Variants in SGSM1 observed in about 807,000 individuals in gnomAD.
SGSM1 encodes the protein RUN and TBC1 domain containing 2.
Under a neutral mutation model 133.8 loss-of-function variants are expected in SGSM1, and 73 were observed. The observed-to-expected ratio is 0.55, with a 90% CI of 0.45 to 0.66. The LOEUF is 0.66. SGSM1 is among the 30% of genes least tolerant of loss of function. The probability of loss-of-function intolerance (pLI) is 0.00; values close to 1 mark genes in which losing one functional copy is unlikely to be tolerated. For missense variants in SGSM1, 1,213 were observed against 1,448.1 expected, an observed-to-expected ratio of 0.84 and a Z score of 2.64; for synonymous variants, 563 against 573.0, an observed-to-expected ratio of 0.98 and a Z score of 0.25.
chr22:24,896,859 C>A (rs1313391510), intron 18 of SGSM1, among the ~76,000 whole-genome samples: 1 of 151,824 alleles, frequency 6.6e-6, no homozygotes, highest in African/African-American at 2.4e-5. Context: ...TGCCTGTAAT[C>A]CAAGCTACTT....
intron 24 of SGSM1, among the ~76,000 whole-genome samples, chr22:24,922,182 T>C (rs1934034395): frequency 7.1e-6 from 1 of 141,250 alleles, no homozygotes; most frequent in Non-Finnish European, 1.5e-5. Flanking sequence ...TTACTTTCTT[T>C]TTTTTTTTTT....
chr22:24,811,497 TC>T (rs1927740768), intron 2 of SGSM1, among the ~76,000 whole-genome samples: 2 of 152,036 alleles, frequency 1.3e-5, no homozygotes, highest in Non-Finnish European at 2.9e-5. Flanking sequence ...AGGGGAAACT[TC>T]CCCAGAATGC....
chr22:24,882,158 C>T (rs1337059134), intron 14 of SGSM1, among the ~76,000 whole-genome samples: 1 of 152,174 alleles, frequency 6.6e-6, no homozygotes, highest in Non-Finnish European at 1.5e-5. Flanking sequence ...CCTCTACCTC[C>T]CTGGCTGAAG....
intron 2 of SGSM1, among the ~76,000 whole-genome samples, chr22:24,836,260 G>A (rs529186307): frequency 1.9e-4 from 29 of 152,264 alleles, no homozygotes; most frequent in Admixed American, 1.8e-3. Flanking sequence ...AGGTTCATTC[G>A]TATTTTGGCA....
chr22:24,834,709 T>G (rs576197171), intron 2 of SGSM1, among the ~76,000 whole-genome samples: 1 of 152,014 alleles, frequency 6.6e-6, no homozygotes, highest in Non-Finnish European at 1.5e-5. Flanking sequence ...GTGGCCATCT[T>G]CTCCCTGATC....
chr22:24,834,028 A>C (rs2330931), intron 2 of SGSM1, among the ~76,000 whole-genome samples: 28,838 of 149,128 alleles, frequency 0.19, 2,908 homozygotes, highest in Non-Finnish European at 0.24. Context: ...GAGAGAACAG[A>C]TGGGGCCCAG....
intron 18 of SGSM1, among the ~76,000 whole-genome samples, chr22:24,897,655 G>A (rs537345889): frequency 6.6e-6 from 1 of 152,074 alleles, no homozygotes; most frequent in Admixed American, 6.5e-5. Flanking sequence ...TTTTTGCAGA[G>A]ACCAGGTTTC....
rs75544378 is a variant in SGSM1, at chr22:24,850,741, A to G, written c.455+309A>G. 3.6e-3 allele frequency among the ~76,000 whole-genome samples: 545 copies of G among 152,278 alleles called. 4 individuals carry two copies. Among genetic ancestry groups the G allele is most frequent in the African/African-American group, 0.013 (533 of 41,556 alleles). ...CCCGTTATCTCTTTTGGTAAATGGCATGGGGATTCCCGATACTCCAGAGAA... is the reference window on the plus strand; with the variant it reads ...CCCGTTATCTCTTTTGGTAAATGGCGTGGGGATTCCCGATACTCCAGAGAA... On this transcript the variant is annotated intron_variant, in intron 5 of 24. Coordinates refer to ENST00000400358, the MANE Select transcript of SGSM1 (RefSeq NM_001098497.3).
At chr22:24,823,227 T>C (rs1427347386) in intron 2 of SGSM1, among the ~76,000 whole-genome samples, 1 of 152,228 alleles carries the variant, frequency 6.6e-6, no homozygotes, top group African/African-American at 2.4e-5. Flanking sequence ...AGGCACTCAG[T>C]AAACAACATT....
Position 24,898,233 on chromosome 22 carries a change from A to G in SGSM1, c.2284A>G (p.Ser762Gly). 6.2e-7 allele frequency: 1 copy of G among 1,613,608 alleles called. No homozygotes were observed. Among genetic ancestry groups the G allele is most frequent in the South Asian group, 1.1e-5 (1 of 91,076 alleles). The change falls in exon 19 of 25, where the codon AGC (serine) becomes GGC (glycine). Residue 762 changes from serine to glycine, a missense_variant. By Grantham distance (56) the Ser-to-Gly change is moderately conservative. Coordinates refer to ENST00000400358, the MANE Select transcript of SGSM1 (RefSeq NM_001098497.3). ...RDGSVDDRQS[S>G]EATTSQDEAP... is the part of the protein sequence containing the mutation. ...TGGCAGCGTGGATGACAGGCAGAGC[A>G]GCGAGGCCACCACATCTCAGGATGA...
In SGSM1 at chr22:24,855,353, G is replaced by A; in HGVS notation, c.592G>A (p.Asp198Asn). The stretch of plus-strand genomic sequence containing the variant: ...TCACTTCTGGACCGATCCCTCGGCT[G>A]ACGAACTTGTCCAGAGGCACCGCAT... Reference protein sequence around the residue: ...ADHFWTDPSADELVQRHRIHS... With the variant: ...ADHFWTDPSANELVQRHRIHS... The change falls in exon 7 of 25, where the codon GAC (aspartate) becomes AAC (asparagine). Residue 198 changes from aspartate (D) to asparagine (N), a missense_variant. By Grantham distance (23) the Asp-to-Asn change is conservative. Transcript: ENST00000400358. The A allele has an allele frequency of 1.2e-6, 2 of 1,613,548 alleles. No homozygotes were observed. The highest frequency in any genetic ancestry group is 1.6e-4 in the Middle Eastern group (1 of 6,062).
intron 9 of SGSM1, among the ~76,000 whole-genome samples, chr22:24,860,758 G>A (rs1055674151): frequency 6.6e-6 from 1 of 150,504 alleles, no homozygotes; most frequent in East Asian, 2.0e-4. Flanking sequence ...AAAATTGCCA[G>A]GCATGGTGGC....
At chr22:24,854,411 A>G (rs936111431) in intron 5 of SGSM1, among the ~76,000 whole-genome samples, 2 of 152,164 alleles carry the variant, frequency 1.3e-5, no homozygotes, top group African/African-American at 4.8e-5. Flanking sequence ...CAACCTGCTA[A>G]TTATTATTCT....
rs939222027 is a variant in SGSM1, at chr22:24,885,405, T to G, written c.1642-1195T>G. 1.4e-4 allele frequency among the ~76,000 whole-genome samples: 21 copies of G among 152,044 alleles called. 1 individual carries two copies. ...CCACATAGTTTTACAACTTATTTTT[T>G]TTTTTCGATTAGCGACACACATTGA... On this transcript the variant is annotated intron_variant, in intron 15 of 24. Transcript: ENST00000400358.
intron 2 of SGSM1, among the ~76,000 whole-genome samples, chr22:24,842,909 C>A (rs1315283954): frequency 6.6e-6 from 1 of 152,050 alleles, no homozygotes. Context: ...GAAGCTGGTG[C>A]TATTTCTATA....
chr22:24,900,149 T>C (rs947008637), intron 19 of SGSM1, among the ~76,000 whole-genome samples: 3 of 151,824 alleles, frequency 2.0e-5, no homozygotes, highest in Admixed American at 6.6e-5. Flanking sequence ...GCCCCACAAG[T>C]AGCTGGGACT....
At position 24,898,142 on chromosome 22, in the gene SGSM1, T is replaced by C; in HGVS notation, c.2193T>C (p.Ser731=). ...GCCTCTCAGAGCACTCAGAGCCCAGTCTGAGCACAGAAGACAGTGTCTTGG... is the reference window on the plus strand; with the variant it reads ...GCCTCTCAGAGCACTCAGAGCCCAGCCTGAGCACAGAAGACAGTGTCTTGG... ...SSGLSEHSEP[S]LSTEDSVLDA... is the part of the protein sequence containing the mutation. The change falls in exon 19 of 25, where the codon AGT becomes AGC. Residue 731 remains serine, a synonymous_variant. Coordinates refer to ENST00000400358, the MANE Select transcript of SGSM1 (RefSeq NM_001098497.3). 6.2e-7 allele frequency: 1 copy of C among 1,613,988 alleles called. No homozygotes were observed. Among genetic ancestry groups the C allele is most frequent in the Non-Finnish European group, 8.5e-7 (1 of 1,179,892 alleles).
In SGSM1 at chr22:24,896,679, A is replaced by G. The variant is rs368378232; in HGVS notation, c.2023-1293A>G. ...GTTAACTAATTTTTTGAATGAGAAA[A>G]ATTATGTATACATGAGGCTGGGCAC... is the stretch of plus-strand genomic sequence containing the variant. On this transcript the variant is annotated intron_variant, in intron 18 of 24. Transcript: ENST00000400358. Among the ~76,000 whole-genome samples, 23 of 151,768 alleles carry G rather than the reference A, an allele frequency of 1.5e-4. No individual in the cohort carries two copies. The East Asian group carries it at 2.1e-3, about 14-fold the overall frequency.
chr22:24,860,922 A>ATATATAT (rs34462953), intron 9 of SGSM1, among the ~76,000 whole-genome samples: 1 of 37,608 alleles, frequency 2.7e-5, no homozygotes, highest in African/African-American at 1.5e-4. Context: ...AAAAAAAAAA[A>ATATATAT]ATATATATAT....
Sources: allele counts gnomAD v4.1 joint callset (sites outside exome capture counted in the v4.1 genomes callset), GRCh38; gene constraint gnomAD v4.1.1; transcripts MANE v1.5; gene names NCBI Gene and HGNC (gene_info 2026-07-23, HGNC 2026-07-21).